Variants in BDP1 observed in about 807,000 individuals in gnomAD.
BDP1 encodes BDP1 general transcription factor IIIB subunit, also known as transcription factor TFIIIB component B'' homolog.
A neutral mutation model predicts 266.6 loss-of-function variants in BDP1; 169 were observed. The observed-to-expected ratio is 0.63, with a 90% CI of 0.56 to 0.72. BDP1 has a LOEUF of 0.72. Ranked by LOEUF, BDP1 falls within the 30% of genes least tolerant of loss-of-function variation. BDP1 has a pLI of 0.00. For synonymous variants in BDP1, 1,090 were observed against 1,022.4 expected, an observed-to-expected ratio of 1.07 and a Z score of -1.26; for missense variants, 3,015 against 3,053.8, an observed-to-expected ratio of 0.99 and a Z score of 0.30.
chr5:71,467,219 C>G, intron 5 of BDP1, 135 bp from the exon 6 acceptor site: 1 of 683,602 alleles, frequency 1.5e-6, no homozygotes, highest in Non-Finnish European at 2.4e-6. Flanking sequence ...GGAAAATACC[C>G]ATATTTCACA....
At position 71,509,606 on chromosome 5, in the gene BDP1, T is replaced by C; in HGVS notation, c.2514T>C (p.Leu838=). The change falls in exon 17 of 39, where the codon CTT becomes CTC. Residue 838 remains leucine, a synonymous_variant. Transcript: ENST00000358731. ...AGGAAGAGGTACTAGAGAAGATTCTTGTCTCTGGGGAAATGGCGGCAGCAT... is the reference window on the plus strand; with the variant it reads ...AGGAAGAGGTACTAGAGAAGATTCTCGTCTCTGGGGAAATGGCGGCAGCAT... ...SSKEEVLEKI[L]VSGEMAAALR... 1.2e-6 allele frequency: 2 copies of C among 1,613,874 alleles called. No individual in the cohort carries two copies. Among genetic ancestry groups the C allele is most frequent in the East Asian group, 2.2e-5 (1 of 44,876 alleles).
intron 15 of BDP1, among the ~76,000 whole-genome samples, chr5:71,503,992 A>G (rs1041128007): frequency 2.7e-5 from 4 of 150,068 alleles, no homozygotes; most frequent in Non-Finnish European, 5.9e-5. Flanking sequence ...AAAAATTCTG[A>G]CCAGGCGCAG....
At position 71,544,305 on chromosome 5, in the gene BDP1, G is replaced by A. The variant is rs371129282; in HGVS notation, c.6413-52G>A. ...AGAGGGCATATGTTTCTAATACAGG[G>A]ATTTTAGCTGTATTATTTTGGTCTA... On this transcript the variant is annotated intron_variant, in intron 30 of 38. Coordinates refer to ENST00000358731, the MANE Select transcript of BDP1 (RefSeq NM_018429.3). 1.9e-4 allele frequency: 289 copies of A among 1,512,044 alleles called. 2 individuals carry two copies. The African/African-American group carries it at 3.5e-3, about 18-fold the overall frequency. 93.7% of individuals were successfully genotyped at this position (1,512,044 alleles called of 1,614,324 possible). A position where few individuals can be genotyped will look rare whatever the true frequency, so the allele number is the denominator to read the frequency against.
intron 17 of BDP1, 97 bp from the exon 18 acceptor site, chr5:71,512,144 A>G: frequency 5.1e-6 from 3 of 583,274 alleles, no homozygotes; most frequent in African/African-American, 1.9e-5. Context: ...AAAGTTTTAA[A>G]GGAAAGTGTT....
In BDP1 at chr5:71,542,112, A is replaced by G; in HGVS notation, c.6259A>G (p.Ile2087Val). 3.1e-6 allele frequency: 5 copies of G among 1,598,020 alleles called. No individual in the cohort carries two copies. Among genetic ancestry groups the G allele is most frequent in the African/African-American group, 1.4e-5 (1 of 73,924 alleles). Reference protein sequence around the residue: ...KENATPTRNTISKVTSNLRIR... With the variant: ...KENATPTRNTVSKVTSNLRIR... Reference sequence around the variant, plus strand: ...TCTATCTTCTGTTTTTAGGAATACAATTTCTAAAGTGACCAGTAATTTGAG... The same window carrying G: ...TCTATCTTCTGTTTTTAGGAATACAGTTTCTAAAGTGACCAGTAATTTGAG... Residue 2087 changes from isoleucine (I) to valine (V), a missense_variant, in exon 30 of 39, where the codon ATT becomes GTT. This residue lies in a region of BDP1 where 629 missense variants were observed against 632.5 expected (regional missense o/e 0.99). Transcript: ENST00000358731.
At chr5:71,547,190 C>G (rs1476654415) in intron 32 of BDP1, among the ~76,000 whole-genome samples, 1 of 151,644 alleles carries the variant, frequency 6.6e-6, no homozygotes, top group Non-Finnish European at 1.5e-5. Flanking sequence ...AAGATCCAAT[C>G]AGGGCTCTCA....
At chr5:71,563,995 A>T (rs1318206914) in intron 38 of BDP1, among the ~76,000 whole-genome samples, 1 of 152,216 alleles carries the variant, frequency 6.6e-6, no homozygotes, top group Non-Finnish European at 1.5e-5. Context: ...AGAGTTTTTT[A>T]AAAAATACTT....
intron 7 of BDP1, among the ~76,000 whole-genome samples, chr5:71,482,467 T>C (rs917233981): frequency 6.6e-6 from 1 of 152,152 alleles, no homozygotes; most frequent in Non-Finnish European, 1.5e-5. Context: ...CGTGGTGGAG[T>C]TGGATATGTA....
At chr5:71,544,174 T>G (rs1742079871) in intron 30 of BDP1, among the ~76,000 whole-genome samples, 183 bp from the exon 31 acceptor site, 1 of 152,248 alleles carries the variant, frequency 6.6e-6, no homozygotes, top group Admixed American at 6.5e-5. Context: ...ATCATGTGTT[T>G]TACTGTTCAA....
At chr5:71,536,344 G>C (rs1766595674) in intron 26 of BDP1, among the ~76,000 whole-genome samples, 1 of 152,162 alleles carries the variant, frequency 6.6e-6, no homozygotes, top group African/African-American at 2.4e-5. Context: ...CTTACATGTT[G>C]ATAAACTGTT....
At chr5:71,498,401 A>G (rs1282087723) in intron 13 of BDP1, among the ~76,000 whole-genome samples, 1 of 150,128 alleles carries the variant, frequency 6.7e-6, no homozygotes, top group Non-Finnish European at 1.5e-5. Context: ...TGGTCAATAA[A>G]TTTCTTTATT....
intron 10 of BDP1, among the ~76,000 whole-genome samples, chr5:71,490,270 A>G (rs1242284008): frequency 6.6e-6 from 1 of 152,150 alleles, no homozygotes; most frequent in Non-Finnish European, 1.5e-5. Flanking sequence ...CTTTCTATAA[A>G]ATTTATGTTT....
Position 71,562,260 on chromosome 5 carries a change from A to G in BDP1, c.7497-14A>G, listed in dbSNP as rs925061613. 1.3e-6 allele frequency: 2 copies of G among 1,495,180 alleles called. No individual in the cohort carries two copies. Among genetic ancestry groups the G allele is most frequent in the Non-Finnish European group, 1.8e-6 (2 of 1,101,604 alleles). 92.6% of individuals were successfully genotyped at this position (1,495,180 alleles called of 1,614,324 possible). A position where few individuals can be genotyped will look rare whatever the true frequency, so the allele number is the denominator to read the frequency against. ...CCTGGGTATTCTTGAATATCGTTAC[A>G]TTTGTATTTCTAGACCTGGCAGAAG... is the stretch of plus-strand genomic sequence containing the variant. On this transcript the variant is annotated splice_polypyrimidine_tract_variant and intron_variant, in intron 37 of 38. Coordinates refer to ENST00000358731, the MANE Select transcript of BDP1 (RefSeq NM_018429.3).
At chr5:71,544,554 T>C (rs777381052) in intron 31 of BDP1, 47 bp downstream of exon 31, 24 of 1,573,902 alleles carry the variant, frequency 1.5e-5, no homozygotes, top group Non-Finnish European at 2.1e-5. Context: ...TTGTTTCAGC[T>C]ATAGCCTTAA....
intron 20 of BDP1, among the ~76,000 whole-genome samples, chr5:71,515,369 C>T (rs185229530): frequency 1.2e-4 from 18 of 152,230 alleles, no homozygotes; most frequent in African/African-American, 4.3e-4. Context: ...TTAAAAACTA[C>T]AAGTTGAGCA....
Position 71,524,150 on chromosome 5 carries a change from ACT to A in BDP1, c.5602_5603del (p.Leu1868SerfsTer8). The A allele has an allele frequency of 6.2e-7, 1 of 1,613,930 alleles. No individual in the cohort carries two copies. Among genetic ancestry groups the A allele is most frequent in the Non-Finnish European group, 8.5e-7 (1 of 1,179,984 alleles). ...EPRASKAMLV[T>X]LRASQEEDDD... ...TAGAGCTTCCAAGGCCATGCTGGTG[ACT>A]CTTCGGGCTTCCCAGGAAGAAGATG... On this transcript the variant is annotated frameshift_variant, in exon 25 of 39. Coordinates refer to ENST00000358731, the MANE Select transcript of BDP1 (RefSeq NM_018429.3). LOFTEE classifies it high-confidence loss of function.
chr5:71,574,536 G>T, the BDP1 span, among the ~76,000 whole-genome samples: 1 of 152,194 alleles, frequency 6.6e-6, no homozygotes. Context: ...AATCATGTTA[G>T]TTGGGGGAGA....
intron 23 of BDP1, 105 bp downstream of exon 23, chr5:71,522,595 T>A (rs1765561755): frequency 8.5e-7 from 1 of 1,183,306 alleles, no homozygotes; most frequent in African/African-American, 1.5e-5. Context: ...TTCTGTACTG[T>A]AACCATTTTC....
rs1361184095 is a variant in BDP1 at position 71,510,037 on chromosome 5, A to G, written c.2945A>G (p.Lys982Arg). The change falls in exon 17 of 39, where the codon AAA (lysine) becomes AGA (arginine). Residue 982 changes from lysine to arginine, a missense_variant. This residue lies in a region of BDP1 where 2,383 missense variants were observed against 2,404.9 expected (regional missense o/e 0.99). Coordinates refer to ENST00000358731, the MANE Select transcript of BDP1 (RefSeq NM_018429.3). ...ACTGATGCCACTGAGGAAATAGACAAAAATTTGGAAGAAACTGGAAGAAGA... is the reference window on the plus strand; with the variant it reads ...ACTGATGCCACTGAGGAAATAGACAGAAATTTGGAAGAAACTGGAAGAAGA... ...EVTDATEEID[K>R]NLEETGRRKI... is the part of the protein sequence containing the mutation. The G allele has an allele frequency of 6.2e-7, 1 of 1,610,174 alleles. No homozygotes were observed.
Sources: allele counts gnomAD v4.1 joint callset (sites outside exome capture counted in the v4.1 genomes callset), GRCh38; gene constraint gnomAD v4.1.1; regional missense constraint gnomAD v4.1.1; transcripts MANE v1.5; gene names NCBI Gene and HGNC (gene_info 2026-07-23, HGNC 2026-07-21).